Variants in SEMA6A observed in about 807,000 individuals in gnomAD.
SEMA6A encodes the protein semaphorin 6A, also known as semaphorin-6A.
Under a neutral mutation model 96.8 loss-of-function variants are expected in SEMA6A, and 25 were observed. That is an observed-to-expected ratio of 0.26 (90% CI 0.19 to 0.36). The LOEUF (loss-of-function observed/expected upper bound fraction) is 0.36. SEMA6A is among the 10% of genes least tolerant of loss of function. The pLI is 1.00. For synonymous variants in SEMA6A, 612 were observed against 518.0 expected, an observed-to-expected ratio of 1.18 and a Z score of -2.46; for missense variants, 1,363 against 1,323.1, an observed-to-expected ratio of 1.03 and a Z score of -0.47.
At chr5:116,487,907 A>C (rs1424059106) in intron 9 of SEMA6A, among the ~76,000 whole-genome samples, 4 of 152,166 alleles carry the variant, frequency 2.6e-5, no homozygotes, top group African/African-American at 9.7e-5. Flanking sequence ...GAAACCAACC[A>C]AACATAAATT....
intron 11 of SEMA6A, among the ~76,000 whole-genome samples, chr5:116,481,719 A>G (rs1277957369): frequency 6.6e-6 from 1 of 152,052 alleles, no homozygotes; most frequent in African/African-American, 2.4e-5. Context: ...CACAGAAGAG[A>G]GGCACGCAAA....
intron 6 of SEMA6A, among the ~76,000 whole-genome samples, chr5:116,494,010 G>GC (rs1757458133): frequency 6.6e-6 from 1 of 152,078 alleles, no homozygotes; most frequent in South Asian, 2.1e-4. Context: ...ATTGGTGGCA[G>GC]CCCCATCCAT....
At chr5:116,475,726 A>AG in intron 15 of SEMA6A, 123 bp from the exon 16 acceptor site, 1 of 611,516 alleles carries the variant, frequency 1.6e-6, no homozygotes, top group Non-Finnish European at 2.8e-6. Context: ...GGTGCAAAAA[A>AG]GAAATACATA....
intron 1 of SEMA6A, among the ~76,000 whole-genome samples, chr5:116,550,986 A>T (rs2112883729): frequency 6.6e-6 from 1 of 152,292 alleles, no homozygotes; most frequent in African/African-American, 2.4e-5. Context: ...GAGGTCATGG[A>T]TCAGCACCAT....
intron 1 of SEMA6A, among the ~76,000 whole-genome samples, chr5:116,524,906 T>C (rs1434897056): frequency 6.6e-6 from 1 of 151,012 alleles, no homozygotes; most frequent in Non-Finnish European, 1.5e-5. Flanking sequence ...ATTTTTCTAC[T>C]AGCACAAGTA....
chr5:116,569,551 G>A (rs2112921788), intron 1 of SEMA6A, among the ~76,000 whole-genome samples: 1 of 152,324 alleles, frequency 6.6e-6, no homozygotes, highest in African/African-American at 2.4e-5. Flanking sequence ...TGGCTGCTGT[G>A]TTGAGAAATG....
In SEMA6A at chr5:116,496,321, G is replaced by T; in HGVS notation, c.280-8C>A. Reference sequence around the variant, plus strand: ...AGATTTCCATGTCAGTTTCTGCAGGGATCAAGAAAGAAATCAATTAGAGCC... The same window carrying T: ...AGATTTCCATGTCAGTTTCTGCAGGTATCAAGAAAGAAATCAATTAGAGCC... On this transcript the variant is annotated splice_polypyrimidine_tract_variant and splice_region_variant and intron_variant, in intron 4 of 18. Coordinates refer to ENST00000343348, the MANE Select transcript of SEMA6A (RefSeq NM_020796.5). 1 of 1,612,734 alleles carries T rather than the reference G, an allele frequency of 6.2e-7. No individual in the cohort carries two copies. The highest frequency in any genetic ancestry group is 8.5e-7 in the Non-Finnish European group (1 of 1,179,030).
intron 9 of SEMA6A, 113 bp downstream of exon 9, chr5:116,487,993 ACT>A (rs1415491283): frequency 1.6e-6 from 1 of 623,570 alleles, no homozygotes; most frequent in Non-Finnish European, 2.8e-6. Flanking sequence ...TCCAGACCGC[ACT>A]CTGTTATTAG....
intron 1 of SEMA6A, among the ~76,000 whole-genome samples, chr5:116,551,884 G>T (rs116706148): frequency 6.6e-6 from 1 of 152,164 alleles, no homozygotes; most frequent in African/African-American, 2.4e-5. Flanking sequence ...ACAATGTAAC[G>T]TATCAGGAGC....
chr5:116,450,887 T>A (rs2112585954), intron 18 of SEMA6A, among the ~76,000 whole-genome samples: 1 of 152,346 alleles, frequency 6.6e-6, no homozygotes, highest in African/African-American at 2.4e-5. Flanking sequence ...ACGTTATTTT[T>A]GGAAATGCCT....
chr5:116,456,413 T>C (rs770028925), intron 18 of SEMA6A, among the ~76,000 whole-genome samples: 6 of 152,190 alleles, frequency 3.9e-5, no homozygotes, highest in Non-Finnish European at 2.9e-5. Flanking sequence ...TTCTTTACTG[T>C]GGGTATCATG....
rs1754282833 is a variant in SEMA6A at position 116,447,267 on chromosome 5, G to A, written c.2439C>T (p.Pro813=). The A allele has an allele frequency of 1.2e-6, 2 of 1,613,838 alleles. No homozygotes were observed. Among genetic ancestry groups the A allele is most frequent in the African/African-American group, 1.3e-5 (1 of 74,962 alleles). ...GCGTGATGGGCAGGACCACCACGCT[G>A]GGGATGTGGCTGGGGGAGGCCCGCA... ...LPLRASPSHI[P]SVVVLPITQQ... Residue 813 remains proline (P), a synonymous_variant, in exon 19 of 19, where the codon CCC becomes CCT. Coordinates refer to ENST00000343348, the MANE Select transcript of SEMA6A (RefSeq NM_020796.5).
At chr5:116,454,037 CT>C (rs1381989890) in intron 18 of SEMA6A, among the ~76,000 whole-genome samples, 2 of 152,118 alleles carry the variant, frequency 1.3e-5, no homozygotes, top group East Asian at 1.9e-4. Flanking sequence ...GCACTTTCCC[CT>C]CTCACCCCCT....
chr5:116,447,428 A>C lies in SEMA6A; in HGVS notation c.2278T>G (p.Ser760Ala), dbSNP rs777688756. Reference sequence around the variant, plus strand: ...CGCTTCTGCTGCAGCGTTGGGGTTGACTCTGGGGTGGGGAGGGCCGTCAGG... The same window carrying C: ...CGCTTCTGCTGCAGCGTTGGGGTTGCCTCTGGGGTGGGGAGGGCCGTCAGG... ...LDLTALPTPE[S>A]TPTLQQKRKP... Residue 760 changes from serine to alanine, a missense_variant, in exon 19 of 19, where the codon TCA (serine) becomes GCA (alanine). Transcript: ENST00000343348. The C allele has an allele frequency of 6.2e-7, 1 of 1,613,596 alleles. No individual in the cohort carries two copies. The highest frequency in any genetic ancestry group is 1.1e-5 in the South Asian group (1 of 91,050).
intron 13 of SEMA6A, 175 bp downstream of exon 13, chr5:116,478,367 C>T (rs894383151): frequency 1.4e-5 from 11 of 789,084 alleles, no homozygotes; most frequent in Admixed American, 2.9e-5. Context: ...TAAACACACA[C>T]ACACACATTG....
In SEMA6A at chr5:116,467,614, T is replaced by G. The variant is rs958506025; in HGVS notation, c.1863A>C (p.Ala621=). ...DSPDSTDPLG[A]VSSHNHQDKK... is the part of the protein sequence containing the mutation. ...TGTCTTGGTGATTATGGGAAGACAC[T>G]GCCCCCAAAGGGTCTGTGCTGTCAG... Residue 621 remains alanine (A), a synonymous_variant, in exon 18 of 19, where the codon GCA becomes GCC. Coordinates refer to ENST00000343348, the MANE Select transcript of SEMA6A (RefSeq NM_020796.5). 6 of 1,613,252 alleles carry G rather than the reference T, an allele frequency of 3.7e-6. No homozygotes were observed. The highest frequency in any genetic ancestry group is 4.2e-6 in the Non-Finnish European group (5 of 1,179,690).
chr5:116,495,227 TC>T (rs1176791188), intron 6 of SEMA6A, among the ~76,000 whole-genome samples, 185 bp downstream of exon 6: 1 of 152,176 alleles, frequency 6.6e-6, no homozygotes, highest in Non-Finnish European at 1.5e-5. Context: ...TGTCAATCAA[TC>T]CTGAACAAAC....
At chr5:116,497,953 A>G (rs1489211281) in intron 3 of SEMA6A, among the ~76,000 whole-genome samples, 2 of 152,364 alleles carry the variant, frequency 1.3e-5, no homozygotes, top group South Asian at 2.1e-4. Flanking sequence ...ATGGTCAATT[A>G]AAGTCTAAAA....
At chr5:116,489,979 A>G (rs956190226) in intron 7 of SEMA6A, among the ~76,000 whole-genome samples, 1 of 152,228 alleles carries the variant, frequency 6.6e-6, no homozygotes, top group Non-Finnish European at 1.5e-5. Context: ...TTGTATGTCA[A>G]AGTGACTTAC....
Sources: allele counts gnomAD v4.1 joint callset (sites outside exome capture counted in the v4.1 genomes callset), GRCh38; gene constraint gnomAD v4.1.1; transcripts MANE v1.5; gene names NCBI Gene and HGNC (gene_info 2026-07-23, HGNC 2026-07-21).